Variants in IQCK observed in about 807,000 individuals in gnomAD.
IQCK encodes the protein IQ motif containing K.
IQCK carries 29 observed loss-of-function variants against 28.1 expected under a neutral mutation model. That is an observed-to-expected ratio of 1.03 (90% CI 0.77 to 1.41). The LOEUF (loss-of-function observed/expected upper bound fraction) is 1.41. Among genes scored for constraint, IQCK ranks in the 40% most tolerant of loss-of-function variants. IQCK has a pLI of 0.00. For synonymous variants in IQCK, 113 were observed against 115.1 expected (o/e 0.98, Z 0.12); for missense variants, 359 against 314.7 (o/e 1.14, Z -1.07).
chr16:19,803,116 CTTTT>C (rs1163438747), intron 7 of IQCK, among the ~76,000 whole-genome samples: 8 of 151,902 alleles, frequency 5.3e-5, no homozygotes, highest in Admixed American at 5.3e-4. Flanking sequence ...CTATTGTTGG[CTTTT>C]TTGTTTTGTT....
intron 7 of IQCK, among the ~76,000 whole-genome samples, chr16:19,799,582 T>TTA (rs1160831482): frequency 0.034 from 4,012 of 116,564 alleles, 171 homozygotes; most frequent in Middle Eastern, 0.052. Flanking sequence ...ATATTTTATT[T>TTA]TATATATATA....
At chr16:19,752,569 A>G (rs1295913475) in intron 4 of IQCK, among the ~76,000 whole-genome samples, 1 of 151,950 alleles carries the variant, frequency 6.6e-6, no homozygotes, top group East Asian at 1.9e-4. Context: ...TTCTTTATAT[A>G]TTACTTATTT....
chr16:19,741,170 C>T (rs942466122), intron 4 of IQCK, among the ~76,000 whole-genome samples: 39 of 152,042 alleles, frequency 2.6e-4, no homozygotes, highest in African/African-American at 9.2e-4. Flanking sequence ...TATTTTTCTT[C>T]CCCTTGTGTC....
chr16:19,854,243 T>A (rs1473967743), intron 9 of IQCK, among the ~76,000 whole-genome samples: 1 of 152,238 alleles, frequency 6.6e-6, no homozygotes, highest in African/African-American at 2.4e-5. Flanking sequence ...TAATCAGTGG[T>A]TCTCAAACTT....
chr16:19,797,624 A>AC (rs2055706743), intron 7 of IQCK, among the ~76,000 whole-genome samples: 1 of 128,294 alleles, frequency 7.8e-6, no homozygotes, highest in African/African-American at 3.4e-5. Flanking sequence ...AAAAAAAAAA[A>AC]AAAAACAAAA....
chr16:19,785,015 C>A (rs1416296207), intron 6 of IQCK, among the ~76,000 whole-genome samples: 1 of 152,172 alleles, frequency 6.6e-6, no homozygotes, highest in Admixed American at 6.5e-5. Context: ...GTGATCCACC[C>A]GCCCCGGCCT....
At chr16:19,833,875 G>A (rs1351188249) in intron 9 of IQCK, among the ~76,000 whole-genome samples, 16 of 152,186 alleles carry the variant, frequency 1.1e-4, no homozygotes, top group Non-Finnish European at 1.3e-4. Context: ...AGAATTGCTT[G>A]AGCCTAGGAG....
chr16:19,765,573 A>G (rs1048328943), intron 6 of IQCK, among the ~76,000 whole-genome samples: 3 of 152,076 alleles, frequency 2.0e-5, no homozygotes, highest in Non-Finnish European at 2.9e-5. Context: ...CTCAGTTGTC[A>G]CATATTTTGC....
chr16:19,818,925 G>A (rs2056026607), intron 7 of IQCK, among the ~76,000 whole-genome samples: 1 of 152,028 alleles, frequency 6.6e-6, no homozygotes, highest in South Asian at 2.1e-4. Flanking sequence ...ATTCCTCTCG[G>A]CGAGTAAAGC....
At chr16:19,755,644 G>C (rs1206521754) in intron 4 of IQCK, among the ~76,000 whole-genome samples, 2 of 152,220 alleles carry the variant, frequency 1.3e-5, no homozygotes, top group African/African-American at 4.8e-5. Context: ...AGCCTCACCT[G>C]TGCCCTGAAC....
intron 9 of IQCK, among the ~76,000 whole-genome samples, chr16:19,856,048 TAAGAG>T (rs1239024625): frequency 1.3e-5 from 2 of 152,074 alleles, no homozygotes; most frequent in Non-Finnish European, 2.9e-5. Flanking sequence ...GACCATGACA[TAAGAG>T]AAAAGATTTT....
intron 9 of IQCK, among the ~76,000 whole-genome samples, chr16:19,833,030 T>G (rs1378724868): frequency 6.6e-6 from 1 of 152,210 alleles, no homozygotes; most frequent in Non-Finnish European, 1.5e-5. Flanking sequence ...TCATACATAC[T>G]GTGTAATGAT....
At chr16:19,764,505 A>G (rs2055199052) in intron 6 of IQCK, among the ~76,000 whole-genome samples, 1 of 152,076 alleles carries the variant, frequency 6.6e-6, no homozygotes, top group Non-Finnish European at 1.5e-5. Flanking sequence ...TCCATTTTTA[A>G]TATAATAAAG....
intron 7 of IQCK, among the ~76,000 whole-genome samples, chr16:19,805,274 TC>T (rs2055819988): frequency 6.6e-6 from 1 of 152,218 alleles, no homozygotes; most frequent in Non-Finnish European, 1.5e-5. Context: ...AGTCACATTT[TC>T]CTGGTAAATA....
intron 7 of IQCK, among the ~76,000 whole-genome samples, chr16:19,813,091 T>G (rs1425010857): frequency 6.6e-6 from 1 of 152,206 alleles, no homozygotes; most frequent in Non-Finnish European, 1.5e-5. Context: ...ATTTTAGGTA[T>G]GAGTTAAACA....
chr16:19,736,126 CT>C (rs1217301466), intron 4 of IQCK: 4 of 456,006 alleles, frequency 8.8e-6, no homozygotes, highest in East Asian at 7.0e-5. Context: ...ATTGTTCCCC[CT>C]GGCATCTCTC....
intron 2 of IQCK, 39 bp from the exon 3 acceptor site, chr16:19,733,659 G>A (rs199822505): frequency 1.2e-6 from 2 of 1,609,126 alleles, no homozygotes; most frequent in Admixed American, 1.7e-5. Context: ...TATTTAAGCT[G>A]TTTAAATGAA....
downstream of IQCK, among the ~76,000 whole-genome samples, chr16:19,828,096 A>C (rs1054440412): frequency 2.6e-5 from 4 of 151,672 alleles, no homozygotes; most frequent in African/African-American, 9.7e-5. Context: ...TATTTTTAGT[A>C]GACACAGGGT....
intron 9 of IQCK, among the ~76,000 whole-genome samples, chr16:19,843,838 C>T (rs1173052959): frequency 6.6e-6 from 1 of 152,128 alleles, no homozygotes; most frequent in East Asian, 1.9e-4. Flanking sequence ...ACCTTAATCA[C>T]CTCCTTAAAG....
Sources: allele counts gnomAD v4.1 joint callset (sites outside exome capture counted in the v4.1 genomes callset), GRCh38; gene constraint gnomAD v4.1.1; transcripts MANE v1.5; gene names NCBI Gene and HGNC (gene_info 2026-07-23, HGNC 2026-07-21).